Variants in SCN11A observed in about 807,000 individuals in gnomAD.
SCN11A encodes the protein sodium channel protein type 11 subunit alpha.
Under a neutral mutation model 162.2 loss-of-function variants are expected in SCN11A, and 122 were observed. The observed-to-expected ratio is 0.75, with a 90% CI of 0.65 to 0.87. SCN11A has a LOEUF of 0.87. Ranked by LOEUF, SCN11A falls within the 40% of genes least tolerant of loss-of-function variation. SCN11A has a pLI of 0.00. For missense variants in SCN11A, 2,015 were observed against 2,181.6 expected, an observed-to-expected ratio of 0.92 and a Z score of 1.52; for synonymous variants, 758 against 751.5, an observed-to-expected ratio of 1.01 and a Z score of -0.14.
chr3:38,928,735 T>A (rs2066184436), intron 7 of SCN11A, among the ~76,000 whole-genome samples: 1 of 152,106 alleles, frequency 6.6e-6, no homozygotes, highest in South Asian at 2.1e-4. Flanking sequence ...CACAAAGAGA[T>A]GACCTCATGC....
chr3:38,907,155 C>T (rs1044230488), intron 14 of SCN11A, among the ~76,000 whole-genome samples: 1 of 151,812 alleles, frequency 6.6e-6, no homozygotes, highest in Non-Finnish European at 1.5e-5. Flanking sequence ...GGTTTTCCCA[C>T]CCATATGTCC....
chr3:38,914,593 T>C (rs2125542202), intron 11 of SCN11A, among the ~76,000 whole-genome samples: 1 of 152,312 alleles, frequency 6.6e-6, no homozygotes, highest in East Asian at 1.9e-4. Flanking sequence ...TTCCAGCTTT[T>C]CCCCATTCAG....
intron 19 of SCN11A, among the ~76,000 whole-genome samples, chr3:38,886,786 T>C (rs1202082652): frequency 6.6e-6 from 1 of 152,160 alleles, no homozygotes; most frequent in Non-Finnish European, 1.5e-5. Flanking sequence ...AGAAAAATAA[T>C]AAAACATATC....
At chr3:39,048,049 A>C (rs150258703) in intron 1 of SCN11A, among the ~76,000 whole-genome samples, 1 of 152,208 alleles carries the variant, frequency 6.6e-6, no homozygotes. Flanking sequence ...CAGTATGTCA[A>C]AGAGATACCT....
chr3:38,968,639 C>T (rs932311222), intron 2 of SCN11A, among the ~76,000 whole-genome samples: 1 of 152,100 alleles, frequency 6.6e-6, no homozygotes, highest in Non-Finnish European at 1.5e-5. Context: ...TGTGCACACG[C>T]ATACATATAT....
chr3:38,910,065 C>T lies in SCN11A; in HGVS notation c.1101+1G>A. On this transcript the variant is annotated splice_donor_variant, in intron 12 of 29. Transcript: ENST00000302328. LOFTEE classifies it high-confidence loss of function. ...AAAAAGAGAGACTATAAATAGATAA[C>T]CTGTTGATAAAGCTTCTCCCAGGAA... is the stretch of plus-strand genomic sequence containing the variant. The T allele has an allele frequency of 4.3e-6, 7 of 1,613,442 alleles. No individual in the cohort carries two copies. The highest frequency in any genetic ancestry group is 1.7e-5 in the Admixed American group (1 of 59,932).
chr3:38,920,265 C>T (rs917541531), intron 10 of SCN11A, among the ~76,000 whole-genome samples: 13 of 152,044 alleles, frequency 8.6e-5, no homozygotes, highest in African/African-American at 7.2e-5. Flanking sequence ...AATACTGAAC[C>T]GAAGATCCTC....
intron 3 of SCN11A, among the ~76,000 whole-genome samples, chr3:38,957,208 A>G (rs2066692543): frequency 6.6e-6 from 1 of 152,230 alleles, no homozygotes; most frequent in Admixed American, 6.5e-5. Context: ...AAAAAATTAA[A>G]GAGAGAAAAT....
intron 28 of SCN11A, among the ~76,000 whole-genome samples, chr3:38,853,576 T>C (rs1334905896): frequency 6.6e-6 from 1 of 152,246 alleles, no homozygotes; most frequent in African/African-American, 2.4e-5. Context: ...TGATGGACTC[T>C]GTTTGTGCCT....
intron 20 of SCN11A, among the ~76,000 whole-genome samples, chr3:38,885,822 T>G (rs2065388411): frequency 6.6e-6 from 1 of 152,160 alleles, no homozygotes; most frequent in Non-Finnish European, 1.5e-5. Flanking sequence ...CAGGAGACAT[T>G]TTGGCAATGT....
chr3:38,926,725 C>T (rs1209544363), intron 8 of SCN11A, 78 bp downstream of exon 8: 1 of 1,437,546 alleles, frequency 7.0e-7, no homozygotes, highest in African/African-American at 1.4e-5. Flanking sequence ...TCAAATGGAT[C>T]CACACAGAGC....
chr3:39,033,939 C>G (rs2031832225), intron 1 of SCN11A, among the ~76,000 whole-genome samples: 1 of 151,926 alleles, frequency 6.6e-6, no homozygotes, highest in Admixed American at 6.6e-5. Flanking sequence ...CCAAGGTGGG[C>G]AGATCACAAG....
chr3:39,031,074 T>C (rs2031737940), intron 2 of SCN11A, among the ~76,000 whole-genome samples: 1 of 150,972 alleles, frequency 6.6e-6, no homozygotes, highest in Non-Finnish European at 1.5e-5. Flanking sequence ...GTCTCTAATA[T>C]TGGGACGTAA....
chr3:38,911,698 C>T (rs552981977), intron 11 of SCN11A, among the ~76,000 whole-genome samples: 4 of 152,158 alleles, frequency 2.6e-5, no homozygotes, highest in South Asian at 4.1e-4. Context: ...TTCCTACTTT[C>T]GGGGCTATTT....
chr3:38,945,039 A>G (rs1248990578), intron 7 of SCN11A, among the ~76,000 whole-genome samples: 1 of 152,224 alleles, frequency 6.6e-6, no homozygotes, highest in Non-Finnish European at 1.5e-5. Context: ...TTTTACAAAC[A>G]AAAACAAAGA....
At chr3:38,875,046 C>A (rs1486763865) in intron 23 of SCN11A, among the ~76,000 whole-genome samples, 1 of 152,144 alleles carries the variant, frequency 6.6e-6, no homozygotes, top group African/African-American at 2.4e-5. Context: ...AGCTAAGCAG[C>A]ACTTTGCAAC....
At chr3:38,994,295 T>C (rs6809007) in intron 2 of SCN11A, among the ~76,000 whole-genome samples, 5,348 of 152,300 alleles carry the variant, frequency 0.035, 249 homozygotes, top group African/African-American at 0.11. Flanking sequence ...TGGATCCCTG[T>C]ATAGGAACCT....
intron 9 of SCN11A, among the ~76,000 whole-genome samples, chr3:38,924,937 A>C (rs1390422329): frequency 6.6e-6 from 1 of 151,648 alleles, no homozygotes; most frequent in Non-Finnish European, 1.5e-5. Context: ...TCTTTCCCAT[A>C]TATCTGCTTG....
chr3:38,963,520 T>C (rs1366566381), intron 2 of SCN11A, among the ~76,000 whole-genome samples: 1 of 149,348 alleles, frequency 6.7e-6, no homozygotes, highest in Non-Finnish European at 1.5e-5. Context: ...TGGAGATACA[T>C]ATATATAATG....
Sources: allele counts gnomAD v4.1 joint callset (sites outside exome capture counted in the v4.1 genomes callset), GRCh38; gene constraint gnomAD v4.1.1; transcripts MANE v1.5; gene names NCBI Gene and HGNC (gene_info 2026-07-23, HGNC 2026-07-21).